EGFR: variants seen among roughly 807,000 people sequenced by gnomAD.
EGFR encodes avian erythroblastic leukemia viral (v-erb-b) oncogene homolog.
A neutral mutation model predicts 143.0 loss-of-function variants in EGFR; 58 were observed. That is an observed-to-expected ratio of 0.41 (90% confidence interval 0.33 to 0.50). The LOEUF is 0.50. EGFR is among the 20% of genes least tolerant of loss of function. The pLI, the probability that EGFR is intolerant of heterozygous loss-of-function variation, is 0.39. For synonymous variants in EGFR, 613 were observed against 594.4 expected (o/e 1.03, Z -0.45); for missense variants, 1,307 against 1,579.0 (o/e 0.83, Z 2.92).
chr7:55,155,986 G>A (rs2128937695), intron 8 of EGFR, 40 bp downstream of exon 8: 2 of 1,473,248 alleles, frequency 1.4e-6, no homozygotes, highest in Middle Eastern at 1.7e-4. Flanking sequence ...CTTGTTCTCG[G>A]CTGCTGAGGC....
chr7:55,126,690 G>A (rs149564786), intron 1 of EGFR, among the ~76,000 whole-genome samples: 68 of 152,330 alleles, frequency 4.5e-4, no homozygotes, highest in African/African-American at 1.6e-3. Flanking sequence ...TTTAATTCTA[G>A]TGGGATTGAA....
chr7:55,120,809 T>C (rs1404748234), intron 1 of EGFR, among the ~76,000 whole-genome samples: 2 of 152,208 alleles, frequency 1.3e-5, no homozygotes, highest in Non-Finnish European at 2.9e-5. Context: ...CTCCACTGGT[T>C]ACAGCACCTA....
At chr7:55,194,628 C>T (rs1041516048) in intron 22 of EGFR, among the ~76,000 whole-genome samples, 12 of 152,196 alleles carry the variant, frequency 7.9e-5, no homozygotes, top group Non-Finnish European at 1.8e-4. Context: ...GCAACTCTCC[C>T]GTCCACCAGG....
At chr7:55,195,891 T>C (rs1402677651) in intron 22 of EGFR, among the ~76,000 whole-genome samples, 1 of 152,240 alleles carries the variant, frequency 6.6e-6, no homozygotes, top group Non-Finnish European at 1.5e-5. Flanking sequence ...ATGGTGTATA[T>C]GTACCACATT....
At chr7:55,101,399 T>G (rs1041923682) in intron 1 of EGFR, among the ~76,000 whole-genome samples, 2 of 152,368 alleles carry the variant, frequency 1.3e-5, no homozygotes, top group Middle Eastern at 3.4e-3. Context: ...TGAATTACCG[T>G]GAGGATGTGG....
At chr7:55,158,979 T>G (rs372044362) in intron 11 of EGFR, among the ~76,000 whole-genome samples, 6 of 152,326 alleles carry the variant, frequency 3.9e-5, no homozygotes, top group African/African-American at 9.6e-5. Context: ...CACCTGAACA[T>G]CAGTCTCTTC....
intron 15 of EGFR, among the ~76,000 whole-genome samples, chr7:55,169,346 C>T (rs1450016147): frequency 6.6e-6 from 1 of 152,156 alleles, no homozygotes; most frequent in Non-Finnish European, 1.5e-5. Context: ...GATCCACACA[C>T]CTTGGCCTCC....
At chr7:55,091,171 T>C (rs1353642425) in intron 1 of EGFR, among the ~76,000 whole-genome samples, 1 of 152,224 alleles carries the variant, frequency 6.6e-6, no homozygotes, top group Non-Finnish European at 1.5e-5. Flanking sequence ...GTATTGGATT[T>C]GCACAATTTC....
In EGFR at chr7:55,211,332, A is replaced by T. The variant is rs1419995586; in HGVS notation, c.*5715A>T. On this transcript the variant is annotated 3_prime_UTR_variant, in exon 28 of 28. Coordinates refer to ENST00000275493, the MANE Select transcript of EGFR (RefSeq NM_005228.5). ...ATTAAGAGATCCTATGGATTTGATG[A>T]CTGGTATTAGAGGTGACAATGTAAC... 6.6e-6 allele frequency: 1 copy of T among 152,232 alleles called. No homozygotes were observed. The highest frequency in any genetic ancestry group is 1.5e-5 in the Non-Finnish European group (1 of 68,046). The allele number at this position is 152,232 out of a possible 1,614,324, so 9.4% of individuals were successfully genotyped here.
intron 13 of EGFR, 31 bp downstream of exon 13, chr7:55,161,662 T>C: frequency 1.9e-6 from 3 of 1,614,180 alleles, no homozygotes; most frequent in Non-Finnish European, 2.5e-6. Context: ...TCCCCTTGCG[T>C]TGATCAAAAA....
At chr7:55,091,463 G>T (rs1263572154) in intron 1 of EGFR, among the ~76,000 whole-genome samples, 6 of 152,190 alleles carry the variant, frequency 3.9e-5, no homozygotes, top group African/African-American at 1.4e-4. Flanking sequence ...ACATCTGGGT[G>T]TGGGGAGGCC....
intron 1 of EGFR, among the ~76,000 whole-genome samples, chr7:55,047,846 A>G: frequency 6.6e-6 from 1 of 152,230 alleles, no homozygotes; most frequent in Non-Finnish European, 1.5e-5. Flanking sequence ...GAGAAGAATC[A>G]TGCAAATAAA....
At chr7:55,099,292 C>T (rs1791664770) in intron 1 of EGFR, among the ~76,000 whole-genome samples, 1 of 152,190 alleles carries the variant, frequency 6.6e-6, no homozygotes, top group Non-Finnish European at 1.5e-5. Flanking sequence ...AGATGCTGTG[C>T]TGGGTTAGGC....
intron 1 of EGFR, among the ~76,000 whole-genome samples, chr7:55,118,554 C>T (rs947226448): frequency 5.9e-5 from 9 of 152,184 alleles, no homozygotes; most frequent in Non-Finnish European, 8.8e-5. Flanking sequence ...TCAACAAACA[C>T]GTGTCAACTG....
chr7:55,090,295 T>G (rs913231267), intron 1 of EGFR, among the ~76,000 whole-genome samples: 8 of 152,206 alleles, frequency 5.3e-5, no homozygotes, highest in Non-Finnish European at 1.0e-4. Context: ...TTTTTCTGTT[T>G]TTTAAAGAAC....
intron 1 of EGFR, among the ~76,000 whole-genome samples, chr7:55,070,121 C>A (rs947503162): frequency 6.6e-6 from 1 of 152,192 alleles, no homozygotes; most frequent in Non-Finnish European, 1.5e-5. Context: ...GAGAACAATG[C>A]TATATGCTGT....
At chr7:55,172,775 T>G (rs980071738) in intron 16 of EGFR, 12 of 1,427,656 alleles carry the variant, frequency 8.4e-6, no homozygotes, top group Non-Finnish European at 1.0e-5. Flanking sequence ...AAAGTGTGCC[T>G]GGTAGGGGAC....
intron 1 of EGFR, among the ~76,000 whole-genome samples, chr7:55,097,676 C>T (rs1030130099): frequency 6.6e-6 from 1 of 152,184 alleles, no homozygotes; most frequent in African/African-American, 2.4e-5. Flanking sequence ...GACCTACAAA[C>T]CCTGTGTCTG....
chr7:55,026,888 A>G (rs1302304319), intron 1 of EGFR, among the ~76,000 whole-genome samples: 1 of 152,182 alleles, frequency 6.6e-6, no homozygotes, highest in Admixed American at 6.5e-5. Flanking sequence ...AAGGGAAAAA[A>G]AAAAGCTTTC....
Sources: allele counts gnomAD v4.1 joint callset (sites outside exome capture counted in the v4.1 genomes callset), GRCh38; gene constraint gnomAD v4.1.1; transcripts MANE v1.5; gene names NCBI Gene and HGNC (gene_info 2026-07-23, HGNC 2026-07-21).